GLCCI1: variants seen among roughly 807,000 people sequenced by gnomAD.
The protein encoded by GLCCI1 is glucocorticoid induced 1.
GLCCI1 carries 24 observed loss-of-function variants against 52.2 expected under a neutral mutation model. The ratio of observed to expected loss-of-function variants is 0.46; its 90% confidence interval spans 0.33 to 0.65. GLCCI1 has a LOEUF of 0.65. Ranked by LOEUF, GLCCI1 falls within the 30% of genes least tolerant of loss-of-function variation. The probability of loss-of-function intolerance (pLI) is 0.02; values close to 1 mark genes in which losing one functional copy is unlikely to be tolerated. For synonymous variants in GLCCI1, 310 were observed against 276.5 expected (o/e 1.12, Z -1.20); for missense variants, 704 against 701.5 (o/e 1.00, Z -0.04).
intron 6 of GLCCI1, among the ~76,000 whole-genome samples, chr7:8,074,125 A>G (rs956975623): frequency 1.3e-5 from 2 of 152,194 alleles, no homozygotes; most frequent in African/African-American, 4.8e-5. Flanking sequence ...ATTGTATGTC[A>G]GATATTGTAC....
chr7:8,076,453 ATTTT>A (rs1782878853), intron 6 of GLCCI1, among the ~76,000 whole-genome samples: 1 of 152,158 alleles, frequency 6.6e-6, no homozygotes, highest in African/African-American at 2.4e-5. Context: ...CCCTAAGGTC[ATTTT>A]ACCTGTCTTT....
intron 3 of GLCCI1, among the ~76,000 whole-genome samples, chr7:8,029,709 G>C (rs1359716935): frequency 6.6e-6 from 1 of 151,938 alleles, no homozygotes; most frequent in East Asian, 1.9e-4. Flanking sequence ...ATTCAGTTAA[G>C]TTGCAGAACA....
At chr7:7,987,678 C>T (rs1357306250) in intron 1 of GLCCI1, among the ~76,000 whole-genome samples, 1 of 152,192 alleles carries the variant, frequency 6.6e-6, no homozygotes, top group Non-Finnish European at 1.5e-5. Context: ...ACCCCAGACT[C>T]CTGGGCTCAA....
chr7:8,076,832 A>G (rs554448480), intron 6 of GLCCI1, among the ~76,000 whole-genome samples: 1 of 151,006 alleles, frequency 6.6e-6, no homozygotes, highest in African/African-American at 2.4e-5. Flanking sequence ...TGCTTAATGG[A>G]GATTTTTTTG....
intron 3 of GLCCI1, among the ~76,000 whole-genome samples, chr7:8,023,547 T>C (rs1009148171): frequency 6.9e-6 from 1 of 144,068 alleles, no homozygotes; most frequent in Non-Finnish European, 1.5e-5. Flanking sequence ...ATCTCCTAAA[T>C]AAATACTCCT....
At chr7:8,066,257 A>G (rs559029920) in intron 5 of GLCCI1, among the ~76,000 whole-genome samples, 35 of 151,774 alleles carry the variant, frequency 2.3e-4, no homozygotes, top group African/African-American at 8.2e-4. Context: ...CCCCTTTGTC[A>G]TTTCTGATTT....
intron 1 of GLCCI1, among the ~76,000 whole-genome samples, chr7:7,993,745 G>T (rs575160067): frequency 9.9e-5 from 15 of 150,890 alleles, no homozygotes; most frequent in African/African-American, 3.7e-4. Flanking sequence ...TTATTATGTT[G>T]TAGATGCCAA....
At chr7:8,052,397 G>T (rs1782278026) in intron 3 of GLCCI1, among the ~76,000 whole-genome samples, 1 of 152,222 alleles carries the variant, frequency 6.6e-6, no homozygotes, top group South Asian at 2.1e-4. Context: ...GTTGTGGGGA[G>T]CTGACTTCCA....
At chr7:8,052,778 A>T (rs769846266) in intron 3 of GLCCI1, among the ~76,000 whole-genome samples, 1 of 152,196 alleles carries the variant, frequency 6.6e-6, no homozygotes, top group South Asian at 2.1e-4. Flanking sequence ...GTGATAATCT[A>T]TAACATTTTT....
At chr7:8,040,210 G>A (rs1273775952) in intron 3 of GLCCI1, among the ~76,000 whole-genome samples, 2 of 152,038 alleles carry the variant, frequency 1.3e-5, no homozygotes, top group Non-Finnish European at 2.9e-5. Flanking sequence ...AATGAGGGAG[G>A]TGTGATGGCC....
At chr7:8,010,240 C>T (rs925846313) in intron 2 of GLCCI1, among the ~76,000 whole-genome samples, 4 of 152,196 alleles carry the variant, frequency 2.6e-5, no homozygotes, top group Non-Finnish European at 5.9e-5. Flanking sequence ...AAGCTTTCTG[C>T]AAGTGAATGT....
chr7:8,043,820 G>C (rs1314559984), intron 3 of GLCCI1, among the ~76,000 whole-genome samples: 1 of 152,086 alleles, frequency 6.6e-6, no homozygotes, highest in Non-Finnish European at 1.5e-5. Flanking sequence ...CTGTATAACA[G>C]GCTATAAAAA....
At chr7:8,050,418 A>G (rs1196822385) in intron 3 of GLCCI1, among the ~76,000 whole-genome samples, 1 of 152,200 alleles carries the variant, frequency 6.6e-6, no homozygotes, top group Non-Finnish European at 1.5e-5. Context: ...GGGATATAAT[A>G]TATAAAATTT....
In GLCCI1 at chr7:8,039,129, G is replaced by A. The variant is rs534206240; in HGVS notation, c.697-16304G>A. Among the ~76,000 whole-genome samples the A allele has an allele frequency of 5.3e-5, 8 of 152,242 alleles. No individual in the cohort carries two copies. In the East Asian group the frequency reaches 1.3e-3, roughly 26 times the overall value. ...AAAAATAGTTGTTGGTGAGGAAAAG[G>A]GAATGCTTATACACCATTAGTGAGA... On this transcript the variant is annotated intron_variant, in intron 3 of 7. Coordinates refer to ENST00000223145, the MANE Select transcript of GLCCI1 (RefSeq NM_138426.4).
chr7:8,028,322 A>G (rs1045406487), intron 3 of GLCCI1, among the ~76,000 whole-genome samples: 5 of 152,196 alleles, frequency 3.3e-5, no homozygotes, highest in Non-Finnish European at 5.9e-5. Context: ...TGGAAACCAT[A>G]CAAGCACATG....
chr7:8,070,198 T>G (rs1049805297), intron 5 of GLCCI1: 1 of 152,218 alleles, frequency 6.6e-6, no homozygotes, highest in African/African-American at 2.4e-5. Context: ...CCAAAATATG[T>G]GGCTCTATGA....
chr7:8,022,021 C>T (rs1781502707), intron 2 of GLCCI1, among the ~76,000 whole-genome samples: 1 of 151,978 alleles, frequency 6.6e-6, no homozygotes, highest in African/African-American at 2.4e-5. Context: ...CTTACTCTTC[C>T]CCAAGCACAG....
intron 3 of GLCCI1, among the ~76,000 whole-genome samples, chr7:8,037,166 G>A (rs1781885334): frequency 6.6e-6 from 1 of 152,142 alleles, no homozygotes; most frequent in African/African-American, 2.4e-5. Flanking sequence ...TCCTGTAAAG[G>A]AAACCCCAAC....
chr7:8,063,613 TC>T (rs1782563994), intron 5 of GLCCI1, among the ~76,000 whole-genome samples: 1 of 148,078 alleles, frequency 6.8e-6, no homozygotes, highest in African/African-American at 2.5e-5. Context: ...CCACTTTTCT[TC>T]CTTTTTTTTT....
Sources: allele counts gnomAD v4.1 joint callset (sites outside exome capture counted in the v4.1 genomes callset), GRCh38; gene constraint gnomAD v4.1.1; transcripts MANE v1.5; gene names NCBI Gene and HGNC (gene_info 2026-07-23, HGNC 2026-07-21).